PCDHA13: variants seen among roughly 807,000 people sequenced by gnomAD.
The protein encoded by PCDHA13 is protocadherin alpha-13.
In PCDHA13, 54 loss-of-function variants were observed where a neutral mutation model predicts 64.8. The ratio of observed to expected loss-of-function variants is 0.83; its 90% CI spans 0.67 to 1.04. The LOEUF is 1.04. Among genes scored for constraint, PCDHA13 ranks in the 50% least tolerant of loss-of-function variants. The pLI is 0.00. For synonymous variants in PCDHA13, 587 were observed against 564.4 expected (o/e 1.04, Z -0.57); for missense variants, 1,248 against 1,254.3 (o/e 0.99, Z 0.08).
chr5:140,936,867 T>TA (rs1471990778), intron 1 of PCDHA13, among the ~76,000 whole-genome samples: 5 of 152,214 alleles, frequency 3.3e-5, no homozygotes, highest in Admixed American at 2.6e-4. Context: ...GTTTCTATTT[T>TA]AAAAAACCCT....
At chr5:140,898,705 A>G (rs1351081569) in intron 1 of PCDHA13, among the ~76,000 whole-genome samples, 2 of 152,142 alleles carry the variant, frequency 1.3e-5, no homozygotes, top group African/African-American at 4.8e-5. Flanking sequence ...ACTTTAAAGT[A>G]GTTTTTTCCA....
At chr5:140,940,398 T>C (rs936966571) in intron 1 of PCDHA13, among the ~76,000 whole-genome samples, 10 of 152,340 alleles carry the variant, frequency 6.6e-5, no homozygotes, top group African/African-American at 2.4e-4. Context: ...TATTGTGTTT[T>C]TCATTTTAAA....
At position 141,009,807 on chromosome 5, in the gene PCDHA13, T is replaced by C. The variant is rs1554262456; in HGVS notation, c.2723T>C (p.Ile908Thr). ...CGGCAGGAGCCTACTAACAGCCAAA[T>C]TGACAAAAGTGACTTCATAACCTTC... is the stretch of plus-strand genomic sequence containing the variant. ...SIRQEPTNSQIDKSDFITFGK... is the reference protein window; with the variant it reads ...SIRQEPTNSQTDKSDFITFGK... Residue 908 changes from isoleucine to threonine, a missense_variant, in exon 4 of 4, where the codon ATT (isoleucine) becomes ACT (threonine). Ile to Thr is a moderately conservative substitution (Grantham distance 89). Transcript: ENST00000289272. 9.9e-6 allele frequency: 16 copies of C among 1,613,824 alleles called. No homozygotes were observed. Among genetic ancestry groups the C allele is most frequent in the South Asian group, 1.1e-5 (1 of 91,066 alleles).
intron 1 of PCDHA13, among the ~76,000 whole-genome samples, chr5:140,962,145 G>A (rs1195781182): frequency 3.3e-5 from 5 of 152,074 alleles, no homozygotes; most frequent in Non-Finnish European, 7.4e-5. Flanking sequence ...AAAGTGCTGG[G>A]ATTACAGGCG....
At chr5:140,922,927 T>C (rs1257564815) in intron 1 of PCDHA13, among the ~76,000 whole-genome samples, 1 of 152,214 alleles carries the variant, frequency 6.6e-6, no homozygotes, top group Non-Finnish European at 1.5e-5. Flanking sequence ...TTCAGACTTT[T>C]ACTTCCAGCA....
intron 1 of PCDHA13, chr5:140,967,400 C>T: frequency 6.2e-7 from 1 of 1,611,718 alleles, no homozygotes; most frequent in South Asian, 1.1e-5. Context: ...GCTGGTGCTG[C>T]GTAAGGGCCT....
At chr5:140,968,609 G>C (rs1554230915) in intron 1 of PCDHA13, 1 of 1,614,194 alleles carries the variant, frequency 6.2e-7, no homozygotes, top group Admixed American at 1.7e-5. Context: ...CTCAGACTCT[G>C]GGCAAAATGC....
chr5:140,921,740 C>T (rs923518440), intron 1 of PCDHA13, among the ~76,000 whole-genome samples: 1 of 152,052 alleles, frequency 6.6e-6, no homozygotes, highest in Non-Finnish European at 1.5e-5. Flanking sequence ...AAATTATAAG[C>T]ATAACAGGAC....
intron 1 of PCDHA13, chr5:140,926,693 C>G (rs576013331): frequency 3.9e-4 from 291 of 742,942 alleles, no homozygotes; most frequent in Non-Finnish European, 5.0e-4. Flanking sequence ...CTAGCAAGCC[C>G]GGCTCCCAGC....
intron 3 of PCDHA13, among the ~76,000 whole-genome samples, chr5:140,983,987 C>T (rs1372272659): frequency 6.6e-6 from 1 of 152,126 alleles, no homozygotes; most frequent in East Asian, 1.9e-4. Context: ...CGAGTTGAAG[C>T]AATTCATTAG....
At chr5:140,966,950 G>A (rs782713044) in intron 1 of PCDHA13, 3 of 1,603,480 alleles carry the variant, frequency 1.9e-6, no homozygotes, top group Non-Finnish European at 2.5e-6. Flanking sequence ...GGGCAACGTG[G>A]CTCGCGCGCT....
chr5:140,983,284 A>G (rs540419188), intron 3 of PCDHA13, among the ~76,000 whole-genome samples: 1 of 152,330 alleles, frequency 6.6e-6, no homozygotes, highest in East Asian at 1.9e-4. Context: ...GAGTATAGGA[A>G]AATTGCTTAA....
intron 3 of PCDHA13, chr5:140,988,965 TG>T (rs1227130828): frequency 6.6e-6 from 1 of 152,162 alleles, no homozygotes; most frequent in Non-Finnish European, 1.5e-5. Context: ...AGCCCCACGA[TG>T]GAGAGAAGCA....
intron 1 of PCDHA13, among the ~76,000 whole-genome samples, chr5:140,962,154 C>T (rs1447978704): frequency 3.9e-5 from 6 of 152,210 alleles, no homozygotes; most frequent in Admixed American, 1.3e-4. Context: ...GGATTACAGG[C>T]GTGAGCCACC....
At chr5:140,987,544 A>G (rs1316604535) in intron 3 of PCDHA13, among the ~76,000 whole-genome samples, 1 of 152,180 alleles carries the variant, frequency 6.6e-6, no homozygotes, top group Non-Finnish European at 1.5e-5. Context: ...CCATTACTTA[A>G]CTTTCCTGAT....
chr5:140,927,959 G>A lies in PCDHA13; in HGVS notation c.2394+43297G>A. On this transcript the variant is annotated intron_variant, in intron 1 of 3. Transcript: ENST00000289272. ...CCAGTACCTGAGGACGCTGCCCCTG[G>A]CACAGTGATTGCTCTCTTTAGTGTA... 1 of 1,614,190 alleles carries A rather than the reference G, an allele frequency of 6.2e-7. No individual in the cohort carries two copies. Among genetic ancestry groups the A allele is most frequent in the East Asian group, 2.2e-5 (1 of 44,886 alleles).
chr5:140,917,483 G>C (rs1237773555), intron 1 of PCDHA13, among the ~76,000 whole-genome samples: 1 of 152,152 alleles, frequency 6.6e-6, no homozygotes, highest in Non-Finnish European at 1.5e-5. Flanking sequence ...CTTTGCCAGG[G>C]CCTATGCCCA....
intron 3 of PCDHA13, among the ~76,000 whole-genome samples, chr5:140,998,401 CA>C (rs2097811473): frequency 6.6e-6 from 1 of 152,108 alleles, no homozygotes; most frequent in African/African-American, 2.4e-5. Context: ...ATCTTTATGC[CA>C]AAGTTTATCT....
chr5:140,926,990 G>T (rs2083733718), intron 1 of PCDHA13: 1 of 1,611,558 alleles, frequency 6.2e-7, no homozygotes, highest in Admixed American at 1.7e-5. Flanking sequence ...ACGGAGCGGG[G>T]CGTAGCCGTA....
Sources: allele counts gnomAD v4.1 joint callset (sites outside exome capture counted in the v4.1 genomes callset), GRCh38; gene constraint gnomAD v4.1.1; transcripts MANE v1.5; gene names NCBI Gene and HGNC (gene_info 2026-07-23, HGNC 2026-07-21).